TGM4: variants seen among roughly 807,000 people sequenced by gnomAD.
The protein encoded by TGM4 is transglutaminase 4, also known as protein-glutamine gamma-glutamyltransferase 4.
In TGM4, 61 loss-of-function variants were observed where a neutral mutation model predicts 76.3. The observed-to-expected ratio is 0.80, with a 90% confidence interval of 0.65 to 0.99. The LOEUF (loss-of-function observed/expected upper bound fraction) is 0.99. Among genes scored for constraint, TGM4 ranks in the 50% least tolerant of loss-of-function variants. The probability of loss-of-function intolerance (pLI) is 0.00; values close to 1 mark genes in which losing one functional copy is unlikely to be tolerated. For synonymous variants in TGM4, 337 were observed against 329.8 expected (o/e 1.02, Z -0.24); for missense variants, 794 against 843.2 (o/e 0.94, Z 0.72).
intron 10 of TGM4, among the ~76,000 whole-genome samples, chr3:44,908,399 G>GT (rs1699955242): frequency 6.7e-6 from 1 of 148,670 alleles, no homozygotes; most frequent in African/African-American, 2.6e-5. Context: ...TGTTTTTTTT[G>GT]TTTTTTGTTT....
chr3:44,887,645 G>A (rs1218660893), intron 2 of TGM4, 44 bp from the exon 3 acceptor site: 2 of 1,568,988 alleles, frequency 1.3e-6, no homozygotes, highest in Non-Finnish European at 1.7e-6. Flanking sequence ...TTGTCTTGGG[G>A]GTGGCCCATG....
chr3:44,910,392 G>A (rs1484052015), intron 11 of TGM4, 24 bp downstream of exon 11: 4 of 1,605,748 alleles, frequency 2.5e-6, no homozygotes, highest in Non-Finnish European at 3.4e-6. Flanking sequence ...AGGGAGGAGA[G>A]GCCTCAAGTG....
intron 5 of TGM4, among the ~76,000 whole-genome samples, chr3:44,895,166 G>A (rs187796615): frequency 0.011 from 1,647 of 152,210 alleles, 27 homozygotes; most frequent in African/African-American, 0.036. Flanking sequence ...GTGGTGGCAC[G>A]TGCCTGTAAT....
At chr3:44,913,121 T>G (rs1700026980) in intron 13 of TGM4, among the ~76,000 whole-genome samples, 1 of 150,958 alleles carries the variant, frequency 6.6e-6, no homozygotes, top group African/African-American at 2.4e-5. Flanking sequence ...TTCAGCAGGT[T>G]TAGGGTGGAG....
intron 1 of TGM4, among the ~76,000 whole-genome samples, chr3:44,875,485 G>A (rs956335476): frequency 2.0e-5 from 3 of 152,148 alleles, no homozygotes; most frequent in Admixed American, 2.0e-4. Context: ...ATAGCAGAGC[G>A]GAGTCATGTG....
chr3:44,903,686 C>A (rs1699884047), intron 8 of TGM4, 198 bp from the exon 9 acceptor site: 1 of 594,478 alleles, frequency 1.7e-6, no homozygotes, highest in Admixed American at 2.7e-5. Flanking sequence ...CAACTCTGTG[C>A]CCTGGGAGGC....
In TGM4 at chr3:44,890,805, C is replaced by T. The variant is rs1300443511; in HGVS notation, c.430+73C>T. 5 of 1,555,696 alleles carry T rather than the reference C, an allele frequency of 3.2e-6. No individual in the cohort carries two copies. The South Asian group carries it at 3.6e-5, about 11-fold the overall frequency. On this transcript the variant is annotated intron_variant, in intron 4 of 13. Transcript: ENST00000296125. ...AAACCTGCTATGTGCAATGCATAGT[C>T]TATGAGCTTTTGTTTGCTCTCAAGG...
rs370593638 is a variant in TGM4, at chr3:44,901,659, T to C, written c.793T>C (p.Phe265Leu). The change falls in exon 7 of 14, where the codon TTT becomes CTT. Residue 265 changes from phenylalanine (F) to leucine (L), a missense_variant. Phe to Leu is a conservative substitution (Grantham distance 22, BLOSUM62 0). Coordinates refer to ENST00000296125, the MANE Select transcript of TGM4 (RefSeq NM_003241.4). Reference sequence around the variant, plus strand: ...CTACAACACGAAGCAGGCTGTGTGCTTTGGCCAGTGCTGGGTGTTTGCTGG... The same window carrying C: ...CTACAACACGAAGCAGGCTGTGTGCCTTGGCCAGTGCTGGGTGTTTGCTGG... ...QYYNTKQAVC[F>L]GQCWVFAGIL... The C allele has an allele frequency of 1.9e-6, 3 of 1,614,190 alleles. No individual in the cohort carries two copies. Among genetic ancestry groups the C allele is most frequent in the Non-Finnish European group, 8.5e-7 (1 of 1,180,032 alleles).
rs9836448 is a variant in TGM4 at position 44,894,643 on chromosome 3, C to G, written c.549+948C>G. Among the ~76,000 whole-genome samples, 1,388 of 151,398 alleles carry G rather than the reference C, an allele frequency of 9.2e-3. 24 individuals carry two copies. The highest frequency in any genetic ancestry group is 0.029 in the African/African-American group (1,210 of 41,226). On this transcript the variant is annotated intron_variant, in intron 5 of 13. Transcript: ENST00000296125. ...ATGCCAGACACCAGATGCTTCCCAC[C>G]TCCCCTCCCCCAAGATTTGACAACA...
chr3:44,905,953 G>T (rs895120714), intron 9 of TGM4, among the ~76,000 whole-genome samples: 2 of 152,228 alleles, frequency 1.3e-5, no homozygotes, highest in Admixed American at 6.5e-5. Context: ...GCAGTGAGTA[G>T]CGCAGTGCCA....
intron 3 of TGM4, among the ~76,000 whole-genome samples, chr3:44,889,435 T>C (rs1415098800): frequency 6.6e-6 from 1 of 151,902 alleles, no homozygotes; most frequent in Non-Finnish European, 1.5e-5. Context: ...CTTCCTGAAG[T>C]CAAAAGCCAT....
chr3:44,886,303 T>C (rs1251009787), intron 2 of TGM4, among the ~76,000 whole-genome samples: 2 of 152,144 alleles, frequency 1.3e-5, no homozygotes, highest in African/African-American at 4.8e-5. Flanking sequence ...ATAGTGTCAT[T>C]GCACTTCATC....
At chr3:44,879,802 A>T (rs1438759716) in intron 1 of TGM4, among the ~76,000 whole-genome samples, 3 of 150,364 alleles carry the variant, frequency 2.0e-5, no homozygotes, top group African/African-American at 7.4e-5. Flanking sequence ...ATTTTATTTT[A>T]TTTATTATTT....
chr3:44,898,499 T>C (rs1699810924), intron 6 of TGM4, among the ~76,000 whole-genome samples: 1 of 152,178 alleles, frequency 6.6e-6, no homozygotes, highest in Admixed American at 6.5e-5. Flanking sequence ...CAAGTAGTTT[T>C]GATCACAGAA....
chr3:44,907,032 T>C lies in TGM4; in HGVS notation c.1159T>C (p.Ser387Pro), dbSNP rs199724741. The change falls in exon 10 of 14, where the codon TCA (serine) becomes CCA (proline). Residue 387 changes from serine to proline, a missense_variant. Transcript: ENST00000296125. ...FIVYDTRFVF[S>P]EVNGDRLIWL... ...TGTCTATGACACCAGATTCGTCTTC[T>C]CAGAAGTGAATGGTGACAGGCTCAT... The C allele has an allele frequency of 5.7e-5, 92 of 1,614,002 alleles. No homozygotes were observed. Among genetic ancestry groups the C allele is most frequent in the Non-Finnish European group, 1.4e-5 (16 of 1,180,038 alleles).
At chr3:44,897,971 G>A (rs190899679) in intron 6 of TGM4, among the ~76,000 whole-genome samples, 11 of 152,178 alleles carry the variant, frequency 7.2e-5, no homozygotes, top group African/African-American at 1.9e-4. Flanking sequence ...GGCCTCACAC[G>A]GATACGTAGA....
In TGM4 at chr3:44,913,692, T is replaced by G. The variant is rs1700040339; in HGVS notation, c.2022T>G (p.Ile674Met). The G allele has an allele frequency of 6.2e-7, 1 of 1,614,172 alleles. No individual in the cohort carries two copies. Among genetic ancestry groups the G allele is most frequent in the Non-Finnish European group, 8.5e-7 (1 of 1,180,010 alleles). ...TAAGTTCCAAACAAGTGAAAGAGATTAATGCTCAGAAGATTGTTCTCATCA... is the reference window on the plus strand; with the variant it reads ...TAAGTTCCAAACAAGTGAAAGAGATGAATGCTCAGAAGATTGTTCTCATCA... ...VKLSSKQVKE[I>M]NAQKIVLITK The change falls in exon 14 of 14, where the codon ATT becomes ATG. Residue 674 changes from isoleucine (I) to methionine (M), a missense_variant. Transcript: ENST00000296125.
At chr3:44,885,639 G>A in intron 2 of TGM4, 141 bp downstream of exon 2, 1 of 877,500 alleles carries the variant, frequency 1.1e-6, no homozygotes, top group Admixed American at 2.9e-5. Context: ...TGTAATGTGG[G>A]AATAATAGCG....
intron 10 of TGM4, 31 bp downstream of exon 10, chr3:44,907,231 A>C: frequency 1.9e-6 from 3 of 1,607,428 alleles, no homozygotes; most frequent in Non-Finnish European, 2.6e-6. Context: ...CTTCTGACTC[A>C]GCCCCTGAGT....
Sources: gnomAD v4.1 joint callset for allele counts (sites outside exome capture counted in the v4.1 genomes callset) on GRCh38, gnomAD v4.1.1 for gene constraint, MANE v1.5 for transcripts, NCBI Gene and HGNC (gene_info 2026-07-23, HGNC 2026-07-21) for gene names.